GLIS1: variants seen among roughly 807,000 people sequenced by gnomAD.
GLIS1 encodes the protein GLIS family zinc finger 1, also known as zinc finger protein GLIS1.
Under a neutral mutation model 63.8 loss-of-function variants are expected in GLIS1, and 24 were observed. The observed-to-expected ratio is 0.38, with a 90% CI of 0.27 to 0.53. The LOEUF is 0.53. Ranked by LOEUF, GLIS1 falls within the 20% of genes least tolerant of loss-of-function variation. GLIS1 has a pLI of 0.85. For missense variants in GLIS1, 1,036 were observed against 1,074.1 expected (o/e 0.96, Z 0.50); for synonymous variants, 450 against 482.5 (o/e 0.93, Z 0.88).
chr1:53,703,584 A>T lies in GLIS1; in HGVS notation c.259+34222T>A, dbSNP rs533147145. On this transcript the variant is annotated intron_variant, in intron 2 of 10. Transcript: ENST00000628545. ...AACCCAGGATTTCAAGGCTACAGTG[A>T]GCTATGATCACACCACTGCACTCCA... is the stretch of plus-strand genomic sequence containing the variant. 2.0e-5 allele frequency among the ~76,000 whole-genome samples: 3 copies of T among 149,492 alleles called. No individual in the cohort carries two copies. In the East Asian group the frequency reaches 6.0e-4, roughly 30 times the overall value.
intron 4 of GLIS1, among the ~76,000 whole-genome samples, chr1:53,538,256 G>A (rs926983249): frequency 2.6e-5 from 4 of 152,186 alleles, no homozygotes; most frequent in Admixed American, 2.6e-4. Flanking sequence ...GATTTGGACC[G>A]TGAGGCTCTC....
intron 4 of GLIS1, among the ~76,000 whole-genome samples, chr1:53,556,371 CTG>C (rs1644826429): frequency 1.5e-5 from 1 of 68,578 alleles, no homozygotes; most frequent in Admixed American, 1.8e-4. Flanking sequence ...GCAGATGTGT[CTG>C]TGCAGGTGTA....
Position 53,512,355 on chromosome 1 carries a change from C to T in GLIS1, c.1883+2270G>A, listed in dbSNP as rs181054931. Among the ~76,000 whole-genome samples, 777 of 152,330 alleles carry T rather than the reference C, an allele frequency of 5.1e-3. 2 individuals carry two copies. The highest frequency in any genetic ancestry group is 9.0e-3 in the Non-Finnish European group (613 of 68,030). ...CTGGCAGACTGAGGGCTTCATACCT[C>T]GCACAAGGCTGGGAAAAAAAATACC... On this transcript the variant is annotated intron_variant, in intron 8 of 10. Transcript: ENST00000628545.
chr1:53,657,608 G>C (rs1271968055), intron 2 of GLIS1, among the ~76,000 whole-genome samples: 1 of 152,132 alleles, frequency 6.6e-6, no homozygotes, highest in Non-Finnish European at 1.5e-5. Flanking sequence ...GCATCCACAA[G>C]GCTATGTGGA....
intron 9 of GLIS1, 70 bp from the exon 10 acceptor site, chr1:53,509,357 T>G: frequency 7.2e-7 from 1 of 1,397,170 alleles, no homozygotes; most frequent in Non-Finnish European, 9.7e-7. Context: ...GGAACATCCT[T>G]GCTGCACGCT....
chr1:53,565,506 A>C (rs1644929516), intron 4 of GLIS1, among the ~76,000 whole-genome samples: 1 of 152,002 alleles, frequency 6.6e-6, no homozygotes, highest in African/African-American at 2.4e-5. Flanking sequence ...AAGAAGGCAC[A>C]AAAAAAGGAA....
At chr1:53,533,005 G>A (rs917565699) in intron 4 of GLIS1, among the ~76,000 whole-genome samples, 9 of 152,246 alleles carry the variant, frequency 5.9e-5, no homozygotes, top group African/African-American at 2.2e-4. Flanking sequence ...CCATGCAGAC[G>A]CTCCACGCGT....
chr1:53,519,812 A>G (rs1443532583), intron 7 of GLIS1, among the ~76,000 whole-genome samples: 1 of 152,198 alleles, frequency 6.6e-6, no homozygotes, highest in Non-Finnish European at 1.5e-5. Context: ...CTAAGTTCCT[A>G]TCCTCTCAGA....
intron 4 of GLIS1, among the ~76,000 whole-genome samples, chr1:53,584,552 T>A (rs1226175917): frequency 2.0e-5 from 3 of 152,218 alleles, no homozygotes; most frequent in Non-Finnish European, 4.4e-5. Context: ...CCTTTGACAC[T>A]GTACTCCTTG....
In GLIS1 at chr1:53,737,987, GC is replaced by G; in HGVS notation, c.77del (p.Gly26AlafsTer15). ...EAPGAPGPDR[G>X]PASLGAHMAF... is the part of the protein sequence containing the mutation. ...CCATGTGCGCGCCGAGGCTGGCGGG[GC>G]CGCGGTCGGGGCCGGGCGCACCAGG... On this transcript the variant is annotated frameshift_variant, in exon 2 of 11. Coordinates refer to ENST00000628545, the MANE Select transcript of GLIS1 (RefSeq NM_001367484.1). LOFTEE classifies it high-confidence loss of function. The G allele has an allele frequency of 5.7e-6, 7 of 1,230,448 alleles. No homozygotes were observed. The highest frequency in any genetic ancestry group is 7.1e-6 in the Non-Finnish European group (7 of 987,078). The allele number at this position is 1,230,448 out of a possible 1,614,324, so 76.2% of individuals were successfully genotyped here.
At chr1:53,689,252 G>A (rs1415799953) in intron 2 of GLIS1, among the ~76,000 whole-genome samples, 1 of 152,192 alleles carries the variant, frequency 6.6e-6, no homozygotes. Flanking sequence ...GCAGGGGCCA[G>A]TGGACATACA....
At chr1:53,538,698 C>T (rs892684027) in intron 4 of GLIS1, among the ~76,000 whole-genome samples, 8 of 152,200 alleles carry the variant, frequency 5.3e-5, no homozygotes, top group East Asian at 1.9e-4. Context: ...GGAGCCCATG[C>T]GGGTGGGCCT....
intron 2 of GLIS1, among the ~76,000 whole-genome samples, chr1:53,673,087 C>T (rs527559923): frequency 2.6e-5 from 4 of 152,314 alleles, no homozygotes; most frequent in East Asian, 1.9e-4. Flanking sequence ...GCCTAAGTGG[C>T]GCCAGTGGAG....
intron 2 of GLIS1, among the ~76,000 whole-genome samples, chr1:53,694,995 G>A (rs1646449745): frequency 6.6e-6 from 1 of 152,132 alleles, no homozygotes; most frequent in Non-Finnish European, 1.5e-5. Flanking sequence ...CCAGACACTA[G>A]GGACCACGGC....
At chr1:53,584,461 C>T (rs746368870) in intron 4 of GLIS1, among the ~76,000 whole-genome samples, 40 of 152,340 alleles carry the variant, frequency 2.6e-4, no homozygotes, top group South Asian at 6.2e-4. Flanking sequence ...GAGCCCAGCT[C>T]TCATGACATC....
chr1:53,611,792 C>G (rs1645426806), intron 2 of GLIS1, among the ~76,000 whole-genome samples: 1 of 152,190 alleles, frequency 6.6e-6, no homozygotes, highest in Non-Finnish European at 1.5e-5. Context: ...GAACTTGAAG[C>G]TGTTAAAAGC....
rs770633324 is a variant in GLIS1 at position 53,592,637 on chromosome 1, C to G, written c.1320+1471G>C. ...AGCCAGAGCATCGCCAGGGGCTGGC[C>G]CAGCCACCAGGCCTCCTTCCAGCAT... On this transcript the variant is annotated intron_variant, in intron 4 of 10. Transcript: ENST00000628545. Among the ~76,000 whole-genome samples the G allele has an allele frequency of 7.3e-4, 111 of 152,196 alleles. 2 individuals are homozygous for G. Among genetic ancestry groups the G allele is most frequent in the Non-Finnish European group, 1.6e-4 (11 of 68,026 alleles).
At chr1:53,561,206 T>C (rs930146274) in intron 4 of GLIS1, among the ~76,000 whole-genome samples, 1 of 152,160 alleles carries the variant, frequency 6.6e-6, no homozygotes, top group African/African-American at 2.4e-5. Context: ...TTGTGTAAGG[T>C]TACACGGTAA....
At chr1:53,519,505 G>A (rs1367477420) in intron 7 of GLIS1, among the ~76,000 whole-genome samples, 1 of 152,256 alleles carries the variant, frequency 6.6e-6, no homozygotes, top group Non-Finnish European at 1.5e-5. Flanking sequence ...CAGAAAGTCT[G>A]TTCTGATACT....
Sources: allele counts gnomAD v4.1 joint callset (sites outside exome capture counted in the v4.1 genomes callset), GRCh38; gene constraint gnomAD v4.1.1; transcripts MANE v1.5; gene names NCBI Gene and HGNC (gene_info 2026-07-23, HGNC 2026-07-21).